The following MYO1E variants were observed in gnomAD, a reference collection of about 807,000 sequenced individuals.
MYO1E encodes myosin IE.
A neutral mutation model predicts 151.1 loss-of-function variants in MYO1E; 68 were observed. The observed-to-expected ratio is 0.45, with a 90% CI of 0.37 to 0.55. MYO1E has a LOEUF of 0.55. Among genes scored for constraint, MYO1E ranks in the 20% least tolerant of loss-of-function variants. The pLI is 0.00. For missense variants in MYO1E, 1,363 were observed against 1,389.3 expected (o/e 0.98, Z 0.30); for synonymous variants, 601 against 501.7 (o/e 1.20, Z -2.64).
intron 1 of MYO1E, among the ~76,000 whole-genome samples, chr15:59,339,809 G>C (rs1350560688): frequency 6.6e-6 from 1 of 151,882 alleles, no homozygotes; most frequent in Non-Finnish European, 1.5e-5. Context: ...ACAATATAGC[G>C]AGATACCTTC....
At chr15:59,169,266 T>A (rs1253300848) in intron 22 of MYO1E, among the ~76,000 whole-genome samples, 1 of 152,222 alleles carries the variant, frequency 6.6e-6, no homozygotes, top group East Asian at 1.9e-4. Flanking sequence ...TAAAAACACA[T>A]ACAGATGTTG....
chr15:59,250,956 G>C (rs915393685), intron 4 of MYO1E, among the ~76,000 whole-genome samples: 2 of 152,084 alleles, frequency 1.3e-5, no homozygotes, highest in Non-Finnish European at 2.9e-5. Flanking sequence ...AGAAGACTGA[G>C]GGGGCCTCCA....
At chr15:59,323,410 T>C (rs967354175) in intron 1 of MYO1E, among the ~76,000 whole-genome samples, 14 of 151,762 alleles carry the variant, frequency 9.2e-5, no homozygotes, top group Admixed American at 7.9e-4. Flanking sequence ...TCCTAGCACT[T>C]TGGGAGGCCG....
intron 1 of MYO1E, among the ~76,000 whole-genome samples, chr15:59,364,541 G>T (rs2080902809): frequency 6.6e-6 from 1 of 152,098 alleles, no homozygotes. Flanking sequence ...TCAAGAAAAA[G>T]GATTTGTAAA....
chr15:59,161,222 A>AGTTCAAGCCT lies in MYO1E; in HGVS notation c.2628-2_2635dup (p.Leu879GlnfsTer3). The stretch of plus-strand genomic sequence containing the variant: ...GCCCCAGTTTTCCTTTTTCAACTTC[A>AGTTCAAGCCT]GTTCAAGCCTGCAAAAAGCACAGTG... On this transcript the variant is annotated stop_gained and frameshift_variant, in exon 24 of 28. Coordinates refer to ENST00000288235, the MANE Select transcript of MYO1E (RefSeq NM_004998.4). LOFTEE classifies it high-confidence loss of function. 6.2e-7 allele frequency: 1 copy of AGTTCAAGCCT among 1,613,752 alleles called. No individual in the cohort carries two copies. Among genetic ancestry groups the AGTTCAAGCCT allele is most frequent in the Non-Finnish European group, 8.5e-7 (1 of 1,179,760 alleles).
At chr15:59,256,537 G>A (rs140091776) in intron 3 of MYO1E, among the ~76,000 whole-genome samples, 159 bp from the exon 4 acceptor site, 3 of 152,074 alleles carry the variant, frequency 2.0e-5, no homozygotes, top group Admixed American at 2.0e-4. Flanking sequence ...CTTAAAGGTT[G>A]CATGATACAA....
chr15:59,318,381 G>A (rs1049303284), intron 1 of MYO1E, among the ~76,000 whole-genome samples: 6 of 152,260 alleles, frequency 3.9e-5, no homozygotes, highest in Admixed American at 3.9e-4. Flanking sequence ...GAAAGCCCCT[G>A]CTTTTCCCAC....
chr15:59,348,404 T>C (rs977032457), intron 1 of MYO1E, among the ~76,000 whole-genome samples: 4 of 152,200 alleles, frequency 2.6e-5, no homozygotes, highest in Non-Finnish European at 5.9e-5. Context: ...CATCAAATTA[T>C]GGCATAGCCC....
At chr15:59,140,512 G>A (rs1348355091) in intron 26 of MYO1E, among the ~76,000 whole-genome samples, 3 of 152,224 alleles carry the variant, frequency 2.0e-5, no homozygotes, top group Admixed American at 1.3e-4. Flanking sequence ...TCAAGAAGTT[G>A]GGCTGGACCT....
rs143476592 is a variant in MYO1E, at chr15:59,266,238, G to A, written c.148-4729C>T. ...CTCCCACTCCTGTTGCATAATTCAG[G>A]TGTGCCTCTGGGAAAAGCCGTTCGG... On this transcript the variant is annotated intron_variant, in intron 2 of 27. Transcript: ENST00000288235. Among the ~76,000 whole-genome samples, 19 of 152,236 alleles carry A rather than the reference G, an allele frequency of 1.2e-4. No individual in the cohort carries two copies. In the East Asian group the frequency reaches 3.7e-3, roughly 29 times the overall value.
chr15:59,328,679 T>C (rs1277501800), intron 1 of MYO1E, among the ~76,000 whole-genome samples: 1 of 152,182 alleles, frequency 6.6e-6, no homozygotes, highest in Non-Finnish European at 1.5e-5. Context: ...ACATAGCTGT[T>C]CTGTGTGGAG....
chr15:59,339,824 C>T (rs1445904448), intron 1 of MYO1E, among the ~76,000 whole-genome samples: 1 of 150,828 alleles, frequency 6.6e-6, no homozygotes, highest in Admixed American at 6.7e-5. Context: ...ACCTTCTCTA[C>T]AAAATTTTAT....
At position 59,202,407 on chromosome 15, in the gene MYO1E, C is replaced by T. The variant is rs200004930; in HGVS notation, c.1617G>A (p.Leu539=). 5 of 1,613,364 alleles carry T rather than the reference C, an allele frequency of 3.1e-6. No homozygotes were observed. Among genetic ancestry groups the T allele is most frequent in the South Asian group, 1.1e-5 (1 of 91,080 alleles). ...DLIELMQSSE[L]PFIKSLFPEN... ...CCGGAAATAAAGACTTTATGAAAGG[C>T]CTGGAAAAGGAGAAAGAGAATGAAT... The change falls in exon 16 of 28, where the codon CTG becomes CTA. Residue 539 remains leucine (L), a splice_region_variant and synonymous_variant. Transcript: ENST00000288235.
chr15:59,172,045 G>GT lies in MYO1E; in HGVS notation c.2335-4dup. ...AGGAGCAGGTCTCGCTTTACACCCT[G>GT]TAAGGAGAGGAGCTTTAAGAAGCTG... On this transcript the variant is annotated splice_region_variant and splice_polypyrimidine_tract_variant and intron_variant, in intron 21 of 27. Coordinates refer to ENST00000288235, the MANE Select transcript of MYO1E (RefSeq NM_004998.4). 1 of 1,613,782 alleles carries GT rather than the reference G, an allele frequency of 6.2e-7. No individual in the cohort carries two copies. Among genetic ancestry groups the GT allele is most frequent in the Non-Finnish European group, 8.5e-7 (1 of 1,180,014 alleles).
At chr15:59,218,424 T>A in intron 9 of MYO1E, 1 of 416,040 alleles carries the variant, frequency 2.4e-6, no homozygotes, top group African/African-American at 2.0e-5. Flanking sequence ...CTCTCCAAGC[T>A]TCCAGCACGA....
intron 1 of MYO1E, among the ~76,000 whole-genome samples, chr15:59,283,731 A>C (rs2080370699): frequency 6.6e-6 from 1 of 152,204 alleles, no homozygotes; most frequent in African/African-American, 2.4e-5. Flanking sequence ...GAAGTTAAGT[A>C]ACTTGCTCAG....
At chr15:59,332,928 G>A (rs1430110830) in intron 1 of MYO1E, among the ~76,000 whole-genome samples, 3 of 152,084 alleles carry the variant, frequency 2.0e-5, no homozygotes, top group Admixed American at 6.6e-5. Flanking sequence ...ATTTAATCAG[G>A]TGTTTCCTAC....
At chr15:59,163,446 AC>A (rs2079548992) in intron 22 of MYO1E, 143 bp from the exon 23 acceptor site, 1 of 819,610 alleles carries the variant, frequency 1.2e-6, no homozygotes, top group Non-Finnish European at 1.9e-6. Context: ...AATCTTTCAA[AC>A]AAAACCAACA....
intron 1 of MYO1E, among the ~76,000 whole-genome samples, chr15:59,343,295 CTCTTT>C (rs1380995757): frequency 1.3e-5 from 2 of 151,098 alleles, no homozygotes; most frequent in African/African-American, 4.9e-5. Flanking sequence ...CTAGAGTGAA[CTCTTT>C]TTTTTTTTTT....
Sources: allele counts gnomAD v4.1 joint callset (sites outside exome capture counted in the v4.1 genomes callset), GRCh38; gene constraint gnomAD v4.1.1; transcripts MANE v1.5; gene names NCBI Gene and HGNC (gene_info 2026-07-23, HGNC 2026-07-21).